The following COP1 variants were observed in gnomAD, a reference collection of about 807,000 sequenced individuals.
COP1 encodes COP1 E3 ubiquitin ligase, also known as E3 ubiquitin-protein ligase COP1.
In COP1, 24 loss-of-function variants were observed where a neutral mutation model predicts 101.3. That is an observed-to-expected ratio of 0.24 (90% confidence interval 0.17 to 0.33). The LOEUF (loss-of-function observed/expected upper bound fraction) is 0.33. Among genes scored for constraint, COP1 ranks in the 10% least tolerant of loss-of-function variants. The pLI is 1.00. For missense variants in COP1, 663 were observed against 906.2 expected (o/e 0.73, Z 3.45); for synonymous variants, 347 against 341.9 (o/e 1.01, Z -0.17).
chr1:176,083,408 A>G (rs1175568482), intron 10 of COP1, among the ~76,000 whole-genome samples: 2 of 152,122 alleles, frequency 1.3e-5, no homozygotes, highest in African/African-American at 4.8e-5. Flanking sequence ...GAAACCATAA[A>G]GAAAACAATA....
intron 11 of COP1, among the ~76,000 whole-genome samples, chr1:176,067,489 G>A (rs901824594): frequency 5.9e-5 from 9 of 152,126 alleles, no homozygotes; most frequent in South Asian, 2.1e-4. Flanking sequence ...AGCAGACACC[G>A]GCAGGCCATC....
At chr1:176,100,278 A>G (rs1199343904) in intron 9 of COP1, 5 of 223,204 alleles carry the variant, frequency 2.2e-5, no homozygotes, top group Non-Finnish European at 3.8e-5. Context: ...AATCCCAGCT[A>G]CTTGGGAGGG....
intron 14 of COP1, among the ~76,000 whole-genome samples, chr1:176,030,463 T>C (rs1668477458): frequency 6.6e-6 from 1 of 152,188 alleles, no homozygotes; most frequent in African/African-American, 2.4e-5. Flanking sequence ...TGTATCGTTG[T>C]TTAACGTTAA....
intron 1 of COP1, among the ~76,000 whole-genome samples, chr1:176,197,505 T>C (rs1699824516): frequency 6.6e-6 from 1 of 152,132 alleles, no homozygotes; most frequent in Non-Finnish European, 1.5e-5. Context: ...TATGAGAAAA[T>C]AAATTTCTGT....
At chr1:176,150,614 TAAAAAGTAACAACTTTATAC>T (rs1451223460) in intron 5 of COP1, among the ~76,000 whole-genome samples, 1 of 152,206 alleles carries the variant, frequency 6.6e-6, no homozygotes, top group Non-Finnish European at 1.5e-5. Context: ...CATGTTTATT[TAAAAAGTAACAACTTTATAC>T]AAAAAGTAAC....
Position 175,971,979 on chromosome 1 carries a change from G to A in COP1, c.2133+14964C>T, listed in dbSNP as rs916968177. On this transcript the variant is annotated intron_variant, in intron 18 of 19. Coordinates refer to ENST00000367669, the MANE Select transcript of COP1 (RefSeq NM_022457.7). ...AAAGAAAGAATAGGTTTGCGGCAGC[G>A]ACTGTTGGAAACACTTTGGCACTTC... 2.0e-5 allele frequency among the ~76,000 whole-genome samples: 3 copies of A among 152,252 alleles called. No homozygotes were observed. In the East Asian group the frequency reaches 5.8e-4, roughly 29 times the overall value.
intron 15 of COP1, among the ~76,000 whole-genome samples, chr1:176,019,687 T>C (rs1292921843): frequency 6.6e-6 from 1 of 151,368 alleles, no homozygotes; most frequent in Non-Finnish European, 1.5e-5. Context: ...ATAGTGAAAA[T>C]ACGTTTTTCC....
intron 18 of COP1, among the ~76,000 whole-genome samples, chr1:175,952,694 AGCTCAGGAGTTTGAGACCAGTCTGG>A: frequency 6.6e-6 from 1 of 152,246 alleles, no homozygotes; most frequent in East Asian, 1.9e-4. Context: ...GGATCATCTG[AGCTCAGGAGTTTGAGACCAGTCTGG>A]GCAACAGAGT....
intron 8 of COP1, among the ~76,000 whole-genome samples, chr1:176,121,060 TA>T (rs573549960): frequency 5.6e-4 from 85 of 152,104 alleles, no homozygotes; most frequent in African/African-American, 2.0e-3. Context: ...TTTTTTGCTA[TA>T]AACGTAAAAG....
chr1:175,985,681 G>T (rs1319984273), intron 18 of COP1, among the ~76,000 whole-genome samples: 4 of 152,038 alleles, frequency 2.6e-5, no homozygotes, highest in Non-Finnish European at 4.4e-5. Flanking sequence ...ATCCAAATCT[G>T]GTAATTCTTT....
intron 14 of COP1, among the ~76,000 whole-genome samples, chr1:176,031,355 C>T (rs537241669): frequency 6.6e-6 from 1 of 152,044 alleles, no homozygotes; most frequent in African/African-American, 2.4e-5. Flanking sequence ...GAAACTAAGC[C>T]AAATATAAAT....
intron 18 of COP1, among the ~76,000 whole-genome samples, chr1:175,961,966 AT>A (rs1651426419): frequency 6.6e-6 from 1 of 152,130 alleles, no homozygotes; most frequent in Non-Finnish European, 1.5e-5. Context: ...CAGCTTATGT[AT>A]TAGTTAACGA....
intron 5 of COP1, among the ~76,000 whole-genome samples, chr1:176,151,630 A>C (rs1692609459): frequency 6.6e-6 from 1 of 152,146 alleles, no homozygotes; most frequent in African/African-American, 2.4e-5. Context: ...AAAAGAAAAA[A>C]TTATCCTTAT....
intron 9 of COP1, among the ~76,000 whole-genome samples, chr1:176,089,819 A>G (rs934263955): frequency 6.6e-6 from 1 of 152,244 alleles, no homozygotes; most frequent in African/African-American, 2.4e-5. Context: ...TAATGTCACG[A>G]CAAATAAAGA....
chr1:176,099,602 T>A (rs1192849498), intron 9 of COP1, among the ~76,000 whole-genome samples: 1 of 152,194 alleles, frequency 6.6e-6, no homozygotes, highest in Non-Finnish European at 1.5e-5. Flanking sequence ...GCAATATAGT[T>A]GTTTACATCA....
At position 176,134,994 on chromosome 1, in the gene COP1, A is replaced by G; in HGVS notation, c.968+16T>C. 3 of 1,587,926 alleles carry G rather than the reference A, an allele frequency of 1.9e-6. No individual in the cohort carries two copies. The highest frequency in any genetic ancestry group is 2.6e-6 in the Non-Finnish European group (3 of 1,157,354). The stretch of plus-strand genomic sequence containing the variant: ...GTAATATGAATTCTAATCAATTGCA[A>G]GTGTGAAGCTTGTACCTGTGTGATG... On this transcript the variant is annotated intron_variant, in intron 8 of 19. Transcript: ENST00000367669.
chr1:175,984,752 T>TG (rs1227182014), intron 18 of COP1, among the ~76,000 whole-genome samples: 1 of 152,192 alleles, frequency 6.6e-6, no homozygotes, highest in Non-Finnish European at 1.5e-5. Context: ...ACCCACCTCT[T>TG]GCATCAGTGT....
At chr1:176,075,695 A>T (rs1439343262) in intron 11 of COP1, among the ~76,000 whole-genome samples, 5 of 152,154 alleles carry the variant, frequency 3.3e-5, no homozygotes, top group Non-Finnish European at 7.4e-5. Flanking sequence ...AAGAAGACTT[A>T]GCCACACAAT....
intron 18 of COP1, among the ~76,000 whole-genome samples, chr1:175,973,531 A>G (rs544836009): frequency 1.3e-5 from 2 of 152,208 alleles, no homozygotes; most frequent in Non-Finnish European, 2.9e-5. Flanking sequence ...ACTGTTTACA[A>G]AGTGGTGGAA....
Sources: allele counts gnomAD v4.1 joint callset (sites outside exome capture counted in the v4.1 genomes callset), GRCh38; gene constraint gnomAD v4.1.1; transcripts MANE v1.5; gene names NCBI Gene and HGNC (gene_info 2026-07-23, HGNC 2026-07-21).